The following DPP10 variants were observed in gnomAD, a reference collection of about 807,000 sequenced individuals.
DPP10 encodes the protein inactive dipeptidyl peptidase 10.
A neutral mutation model predicts 120.9 loss-of-function variants in DPP10; 33 were observed. The ratio of observed to expected loss-of-function variants is 0.27; its 90% CI spans 0.21 to 0.37. DPP10 has a LOEUF of 0.37. Ranked by LOEUF, DPP10 falls within the 10% of genes least tolerant of loss-of-function variation. The pLI, the probability that DPP10 is intolerant of heterozygous loss-of-function variation, is 1.00. For synonymous variants in DPP10, 337 were observed against 326.1 expected (o/e 1.03, Z -0.36); for missense variants, 816 against 942.8 (o/e 0.87, Z 1.76).
intron 1 of DPP10, among the ~76,000 whole-genome samples, chr2:114,880,207 A>G (rs191598425): frequency 3.3e-5 from 5 of 152,306 alleles, no homozygotes; most frequent in Admixed American, 2.6e-4. Flanking sequence ...TAAAGTTGAG[A>G]AGCTTAGCTT....
chr2:115,007,416 G>C (rs559901922), intron 1 of DPP10, among the ~76,000 whole-genome samples: 21 of 151,834 alleles, frequency 1.4e-4, no homozygotes, highest in Non-Finnish European at 2.1e-4. Flanking sequence ...GTATTGATGG[G>C]ACATATATTT....
intron 19 of DPP10, among the ~76,000 whole-genome samples, chr2:115,794,353 G>A (rs1684312105): frequency 6.6e-6 from 1 of 152,158 alleles, no homozygotes; most frequent in African/African-American, 2.4e-5. Context: ...GAAGAAAGTG[G>A]CCTCTGGCAA....
intron 3 of DPP10, among the ~76,000 whole-genome samples, chr2:115,375,854 A>G (rs1469785423): frequency 6.6e-6 from 1 of 152,200 alleles, no homozygotes; most frequent in East Asian, 1.9e-4. Flanking sequence ...TGAAAACAAC[A>G]AGAAGAAAAT....
At chr2:114,468,224 G>C (rs984830211) in intron 1 of DPP10, among the ~76,000 whole-genome samples, 1 of 151,928 alleles carries the variant, frequency 6.6e-6, no homozygotes, top group Non-Finnish European at 1.5e-5. Flanking sequence ...TAGAATTAGT[G>C]ATATGACATT....
intron 1 of DPP10, among the ~76,000 whole-genome samples, chr2:115,307,355 A>T (rs925762603): frequency 2.0e-5 from 3 of 152,098 alleles, no homozygotes; most frequent in African/African-American, 7.2e-5. Context: ...TCAAGATCAT[A>T]ATCAGTAAAT....
At chr2:115,308,251 C>T (rs188003808) in intron 1 of DPP10, among the ~76,000 whole-genome samples, 204 of 152,162 alleles carry the variant, frequency 1.3e-3, no homozygotes, top group Non-Finnish European at 2.3e-3. Context: ...AGCGGCTCTA[C>T]GGCTTCTGGT....
intron 1 of DPP10, among the ~76,000 whole-genome samples, chr2:114,666,221 G>A (rs1697911385): frequency 6.6e-6 from 1 of 152,122 alleles, no homozygotes; most frequent in South Asian, 2.1e-4. Flanking sequence ...GTTTTAATGA[G>A]TAGATGAATG....
chr2:115,379,773 A>C (rs1309743259), intron 3 of DPP10, among the ~76,000 whole-genome samples: 1 of 152,136 alleles, frequency 6.6e-6, no homozygotes, highest in Admixed American at 6.5e-5. Flanking sequence ...CGTTGGTTTC[A>C]AAGAACATCT....
chr2:115,114,503 C>T (rs1243890502), intron 1 of DPP10, among the ~76,000 whole-genome samples: 3 of 152,066 alleles, frequency 2.0e-5, no homozygotes, highest in Non-Finnish European at 2.9e-5. Flanking sequence ...AATTAGCACC[C>T]ACCAATATTT....
chr2:114,897,482 C>A (rs1471793294), intron 1 of DPP10, among the ~76,000 whole-genome samples: 5 of 152,242 alleles, frequency 3.3e-5, no homozygotes, highest in South Asian at 2.1e-4. Context: ...GCAACAAAAG[C>A]CAAAATTGAC....
intron 1 of DPP10, among the ~76,000 whole-genome samples, chr2:114,514,369 T>TA (rs1169544941): frequency 6.6e-6 from 1 of 152,194 alleles, no homozygotes; most frequent in Admixed American, 6.5e-5. Context: ...TTGGTGTCCT[T>TA]AACCCTCAGG....
intron 4 of DPP10, among the ~76,000 whole-genome samples, chr2:115,507,327 C>G (rs2077000992): frequency 1.3e-5 from 2 of 152,014 alleles, no homozygotes; most frequent in Non-Finnish European, 2.9e-5. Flanking sequence ...ATTCCAGATT[C>G]TGGGGATACA....
At chr2:115,626,617 TAGTG>T (rs1460592925) in intron 5 of DPP10, among the ~76,000 whole-genome samples, 1 of 152,158 alleles carries the variant, frequency 6.6e-6, no homozygotes. Flanking sequence ...ATGAAAGAAT[TAGTG>T]AGTAAATGCA....
At chr2:115,679,798 T>G (rs1327736689) in intron 5 of DPP10, among the ~76,000 whole-genome samples, 2 of 152,022 alleles carry the variant, frequency 1.3e-5, no homozygotes, top group Non-Finnish European at 2.9e-5. Context: ...AACATTTAGC[T>G]CACAGAAGTA....
chr2:115,250,129 T>A (rs1460857676), intron 1 of DPP10, among the ~76,000 whole-genome samples: 1 of 152,158 alleles, frequency 6.6e-6, no homozygotes, highest in Non-Finnish European at 1.5e-5. Context: ...ATGGGACAGT[T>A]CCTTATTTGA....
intron 1 of DPP10, among the ~76,000 whole-genome samples, chr2:115,268,450 A>G (rs1365501031): frequency 2.0e-5 from 3 of 152,200 alleles, no homozygotes. Context: ...AGGAGAAAGA[A>G]ACCATCATGC....
chr2:115,115,440 C>A (rs1263797702), intron 1 of DPP10, among the ~76,000 whole-genome samples: 1 of 152,136 alleles, frequency 6.6e-6, no homozygotes, highest in East Asian at 1.9e-4. Context: ...TCTCAGGAGA[C>A]CCGTTTGAAT....
At chr2:114,660,769 T>C (rs1226952286) in intron 1 of DPP10, among the ~76,000 whole-genome samples, 1 of 152,250 alleles carries the variant, frequency 6.6e-6, no homozygotes, top group Non-Finnish European at 1.5e-5. Context: ...ATTTACAGTT[T>C]ACTTGGCAGT....
rs1261909916 is a variant in DPP10, at chr2:114,704,938, T to A, written c.60+262100T>A. ...GAGTGCACATCTATAGGAAAGACTA[T>A]CTGAGGACACAGTGAGAAGGTAGCC... On this transcript the variant is annotated intron_variant, in intron 1 of 25. Coordinates refer to ENST00000410059, the MANE Select transcript of DPP10 (RefSeq NM_020868.6). Among the ~76,000 whole-genome samples, 4 of 152,126 alleles carry A rather than the reference T, an allele frequency of 2.6e-5. No homozygotes were observed. The East Asian group carries it at 7.7e-4, about 29-fold the overall frequency.
Sources: gnomAD v4.1 joint callset for allele counts (sites outside exome capture counted in the v4.1 genomes callset) on GRCh38, gnomAD v4.1.1 for gene constraint, MANE v1.5 for transcripts, NCBI Gene and HGNC (gene_info 2026-07-23, HGNC 2026-07-21) for gene names.